The following CARS1 variants were observed in gnomAD, a reference collection of about 807,000 sequenced individuals.
CARS1 encodes cysteinyl-tRNA synthetase 1, also known as cysteine--tRNA ligase, cytoplasmic.
CARS1 carries 48 observed loss-of-function variants against 106.2 expected under a neutral mutation model. The observed-to-expected ratio is 0.45, with a 90% CI of 0.36 to 0.57. The LOEUF is 0.57. Ranked by LOEUF, CARS1 falls within the 20% of genes least tolerant of loss-of-function variation. The probability of loss-of-function intolerance (pLI) is 0.00; values close to 1 mark genes in which losing one functional copy is unlikely to be tolerated. For missense variants in CARS1, 968 were observed against 1,057.2 expected (o/e 0.92, Z 1.17); for synonymous variants, 409 against 403.4 (o/e 1.01, Z -0.17).
rs1479333353 is a variant in CARS1 at position 3,020,839 on chromosome 11, A to T, written c.1154-507T>A. ...TAAGCTGCTGTGTACTACTGCAGGGAACCTGGTGGCAGTGCAGTGGTGAAG... is the reference window on the plus strand; with the variant it reads ...TAAGCTGCTGTGTACTACTGCAGGGTACCTGGTGGCAGTGCAGTGGTGAAG... On this transcript the variant is annotated intron_variant, in intron 10 of 22. Transcript: ENST00000380525. The surrounding 1 kb of genome is among the most constrained non-coding windows in gnomAD (Gnocchi z 4.6). Among the ~76,000 whole-genome samples the T allele has an allele frequency of 6.6e-6, 1 of 152,198 alleles. No individual in the cohort carries two copies. Among genetic ancestry groups the T allele is most frequent in the African/African-American group, 2.4e-5 (1 of 41,436 alleles).
intron 18 of CARS1, among the ~76,000 whole-genome samples, chr11:3,011,883 G>C (rs1040888867): frequency 1.1e-4 from 16 of 152,226 alleles, no homozygotes; most frequent in African/African-American, 3.9e-4. Context: ...TTCTGCCTCG[G>C]CTCAGAGAAG....
chr11:3,029,579 AG>A lies in CARS1; in HGVS notation c.802-137del. On this transcript the variant is annotated intron_variant, in intron 7 of 22. Transcript: ENST00000380525. The surrounding 1 kb of genome is among the most constrained non-coding windows in gnomAD (Gnocchi z 5.9). ...GACCTGTGAAGAGCCACCGTCTCCT[AG>A]GGAGACTGTGATGCTTACACAACTG... 1.4e-5 allele frequency: 12 copies of A among 840,004 alleles called. No individual in the cohort carries two copies. The highest frequency in any genetic ancestry group is 2.2e-5 in the Non-Finnish European group (12 of 547,892). 52.0% of individuals were successfully genotyped at this position (840,004 alleles called of 1,614,324 possible). A position where few individuals can be genotyped will look rare whatever the true frequency, so the allele number is the denominator to read the frequency against.
At chr11:3,032,595 A>G (rs1353638572) in intron 7 of CARS1, among the ~76,000 whole-genome samples, 1 of 152,052 alleles carries the variant, frequency 6.6e-6, no homozygotes, top group Non-Finnish European at 1.5e-5. Context: ...AGAAATCCCT[A>G]TGCATTTTGG....
In CARS1 at chr11:3,017,815, A is replaced by G. The variant is rs751884366; in HGVS notation, c.1727+42T>C. 7 of 1,346,900 alleles carry G rather than the reference A, an allele frequency of 5.2e-6. No individual in the cohort carries two copies. Among genetic ancestry groups the G allele is most frequent in the Middle Eastern group, 1.8e-4 (1 of 5,598 alleles). 83.4% of individuals were successfully genotyped at this position (1,346,900 alleles called of 1,614,324 possible). A position where few individuals can be genotyped will look rare whatever the true frequency, so the allele number is the denominator to read the frequency against. The stretch of plus-strand genomic sequence containing the variant: ...CAAGATGCGAGGCTAGGCATAGAAC[A>G]TGGGCATGCTCAAAAACCCCAAAGA... On this transcript the variant is annotated intron_variant, in intron 15 of 22. Transcript: ENST00000380525. The surrounding 1 kb of genome is among the most constrained non-coding windows in gnomAD (Gnocchi z 4.9).
intron 10 of CARS1, among the ~76,000 whole-genome samples, chr11:3,026,140 C>T (rs771749378): frequency 9.9e-5 from 15 of 152,102 alleles, no homozygotes; most frequent in South Asian, 6.2e-4. Flanking sequence ...AGCTAAAAAA[C>T]GGTGGACCTC....
rs749304444 is a variant in CARS1, at chr11:3,017,863, T to C, written c.1721A>G (p.Asn574Ser). The C allele has an allele frequency of 6.2e-7, 1 of 1,609,174 alleles. No homozygotes were observed. The highest frequency in any genetic ancestry group is 1.1e-5 in the South Asian group (1 of 90,934). Residue 574 changes from asparagine (N) to serine (S), a missense_variant, in exon 15 of 23, where the codon AAT becomes AGT. By Grantham distance (46) the Asn-to-Ser change is conservative. Coordinates refer to ENST00000380525, the MANE Select transcript of CARS1 (RefSeq NM_001014437.3). The surrounding 1 kb of genome is among the most constrained non-coding windows in gnomAD (Gnocchi z 4.9). ...EKWGEEEAEL[N>S]KNFYDKKTAI... ...AGAAATGGCACCACCTTACTTCTTATTCAGTTCTGCTTCTTCTTCTCCCCA... is the reference window on the plus strand; with the variant it reads ...AGAAATGGCACCACCTTACTTCTTACTCAGTTCTGCTTCTTCTTCTCCCCA...
chr11:3,040,407 A>C lies in CARS1; in HGVS notation c.456-476T>G, dbSNP rs898215421. The C allele has an allele frequency of 3.2e-5, 13 of 402,790 alleles. No individual in the cohort carries two copies. Among genetic ancestry groups the C allele is most frequent in the Non-Finnish European group, 5.9e-5 (12 of 203,614 alleles). The allele number at this position is 402,790 out of a possible 1,614,324, so 25.0% of individuals were successfully genotyped here. A position where few individuals can be genotyped will look rare whatever the true frequency, so the allele number is the denominator to read the frequency against. Reference sequence around the variant, plus strand: ...TGACTATACATGACCTTGGCACTGCAACTAAAACATGAACACATAAAAGGA... The same window carrying C: ...TGACTATACATGACCTTGGCACTGCCACTAAAACATGAACACATAAAAGGA... On this transcript the variant is annotated intron_variant, in intron 4 of 22. Coordinates refer to ENST00000380525, the MANE Select transcript of CARS1 (RefSeq NM_001014437.3). The surrounding 1 kb of genome is among the most constrained non-coding windows in gnomAD (Gnocchi z 5.8).
rs1851567628 is a variant in CARS1 at position 3,021,506 on chromosome 11, A to C, written c.1154-1174T>G. On this transcript the variant is annotated intron_variant, in intron 10 of 22. Coordinates refer to ENST00000380525, the MANE Select transcript of CARS1 (RefSeq NM_001014437.3). This position sits in a 1 kb window ranked among gnomAD's most constrained non-coding sequence, Gnocchi z 5.3. ...TTTCAGGAGCCTAATCAGGCAACAG[A>C]CCTAAGCTGCCCTGAGAAACAGAGT... 6.6e-6 allele frequency among the ~76,000 whole-genome samples: 1 copy of C among 152,204 alleles called. No homozygotes were observed. The highest frequency in any genetic ancestry group is 1.9e-4 in the East Asian group (1 of 5,206).
chr11:3,038,504 A>G lies in CARS1; in HGVS notation c.652-305T>C, dbSNP rs1405631736. ...TCTAGGGCTGTTCTGGGGATGAGGA[A>G]AAGTAGGCCACCCAGTGTGTTCTGA... On this transcript the variant is annotated intron_variant, in intron 6 of 22. Coordinates refer to ENST00000380525, the MANE Select transcript of CARS1 (RefSeq NM_001014437.3). The surrounding 1 kb of genome is among the most constrained non-coding windows in gnomAD (Gnocchi z 4.0). 1.3e-5 allele frequency among the ~76,000 whole-genome samples: 2 copies of G among 152,214 alleles called. No individual in the cohort carries two copies. The highest frequency in any genetic ancestry group is 1.9e-4 in the East Asian group (1 of 5,196).
rs537327092 is a variant in CARS1, at chr11:3,052,658, G to A, written c.26-4657C>T. ...GAGCAGAAAGGTGCTGGTGCCCAGG[G>A]AAGCACAGGAGAATGACAGGCTTCC... On this transcript the variant is annotated intron_variant, in intron 1 of 22. Coordinates refer to ENST00000380525, the MANE Select transcript of CARS1 (RefSeq NM_001014437.3). The surrounding 1 kb of genome is among the most constrained non-coding windows in gnomAD (Gnocchi z 4.6). 7.2e-5 allele frequency among the ~76,000 whole-genome samples: 11 copies of A among 152,332 alleles called. No homozygotes were observed. In the South Asian group the frequency reaches 1.7e-3, roughly 23 times the overall value.
chr11:3,031,459 G>A (rs1330829451), intron 7 of CARS1: 1 of 152,172 alleles, frequency 6.6e-6, no homozygotes, highest in Non-Finnish European at 1.5e-5. Context: ...ACTCAATGTT[G>A]CTGGTCAAGC....
rs571011942 is a variant in CARS1, at chr11:3,020,746, T to C, written c.1154-414A>G. On this transcript the variant is annotated intron_variant, in intron 10 of 22. Coordinates refer to ENST00000380525, the MANE Select transcript of CARS1 (RefSeq NM_001014437.3). This position sits in a 1 kb window ranked among gnomAD's most constrained non-coding sequence, Gnocchi z 4.6. ...AGGGATCCTGCCTGGTTCATGCGGG[T>C]GGGGTCAATATGTCAAGGGCCCGCA... Among the ~76,000 whole-genome samples the C allele has an allele frequency of 6.6e-6, 1 of 152,114 alleles. No individual in the cohort carries two copies. The highest frequency in any genetic ancestry group is 1.9e-4 in the East Asian group (1 of 5,168).
intron 7 of CARS1, among the ~76,000 whole-genome samples, chr11:3,033,064 T>C (rs927075974): frequency 1.3e-5 from 2 of 151,868 alleles, no homozygotes; most frequent in African/African-American, 2.4e-5. Flanking sequence ...TTTTTTTTTC[T>C]AAAAAGTGAA....
At chr11:3,023,927 C>T (rs1462787455) in intron 10 of CARS1, among the ~76,000 whole-genome samples, 1 of 152,114 alleles carries the variant, frequency 6.6e-6, no homozygotes, top group Non-Finnish European at 1.5e-5. Context: ...GACTCTTGCT[C>T]TGTCACCCAG....
At chr11:3,036,274 C>T (rs945723201) in intron 7 of CARS1, among the ~76,000 whole-genome samples, 1 of 152,216 alleles carries the variant, frequency 6.6e-6, no homozygotes, top group Non-Finnish European at 1.5e-5. Flanking sequence ...CTCATGAGTC[C>T]TTCTAGGGCC....
Position 3,003,859 on chromosome 11 carries a change from C to T in CARS1, c.2218-1259G>A, listed in dbSNP as rs951511387. Among the ~76,000 whole-genome samples, 1 of 152,146 alleles carries T rather than the reference C, an allele frequency of 6.6e-6. No individual in the cohort carries two copies. Among genetic ancestry groups the T allele is most frequent in the African/African-American group, 2.4e-5 (1 of 41,428 alleles). Reference sequence around the variant, plus strand: ...CCTCGGGCCTGGGGATGCCTTCTTGCAGCAGCTTGGTGAGGTAAGAGTCCC... The same window carrying T: ...CCTCGGGCCTGGGGATGCCTTCTTGTAGCAGCTTGGTGAGGTAAGAGTCCC... On this transcript the variant is annotated intron_variant, in intron 20 of 22. Coordinates refer to ENST00000380525, the MANE Select transcript of CARS1 (RefSeq NM_001014437.3). This position sits in a 1 kb window ranked among gnomAD's most constrained non-coding sequence, Gnocchi z 4.8.
chr11:3,007,765 G>A (rs952258532), intron 18 of CARS1: 1 of 152,250 alleles, frequency 6.6e-6, no homozygotes, highest in Non-Finnish European at 1.5e-5. Flanking sequence ...CAGCAGTGCA[G>A]ACTTGCCCGG....
intron 2 of CARS1, 148 bp from the exon 3 acceptor site, chr11:3,042,404 AT>A: frequency 1.7e-6 from 1 of 593,952 alleles, no homozygotes; most frequent in Non-Finnish European, 3.0e-6. Context: ...CTCGGTCAAC[AT>A]TACGCAGGTC....
intron 10 of CARS1, among the ~76,000 whole-genome samples, chr11:3,023,081 T>G (rs995163424): frequency 3.3e-5 from 5 of 152,198 alleles, no homozygotes; most frequent in African/African-American, 9.7e-5. Flanking sequence ...GAAGTCATTC[T>G]GGAAGAAAAT....
Sources: gnomAD v4.1 joint callset for allele counts (sites outside exome capture counted in the v4.1 genomes callset) on GRCh38, gnomAD v4.1.1 for gene constraint, Gnocchi (gnomAD v3.1) non-coding constraint, MANE v1.5 for transcripts, NCBI Gene and HGNC (gene_info 2026-07-23, HGNC 2026-07-21) for gene names.